Variants in DOCK10 observed in about 807,000 individuals in gnomAD.
The protein encoded by DOCK10 is dedicator of cytokinesis protein 10.
DOCK10 carries 145 observed loss-of-function variants against 280.1 expected under a neutral mutation model. The ratio of observed to expected loss-of-function variants is 0.52; its 90% CI spans 0.45 to 0.59. DOCK10 has a LOEUF of 0.59. DOCK10 is among the 20% of genes least tolerant of loss of function. The pLI, the probability that DOCK10 is intolerant of heterozygous loss-of-function variation, is 0.00. For missense variants in DOCK10, 2,368 were observed against 2,651.7 expected (o/e 0.89, Z 2.35); for synonymous variants, 915 against 942.2 (o/e 0.97, Z 0.53).
intron 44 of DOCK10, 143 bp from the exon 45 acceptor site, chr2:224,795,237 G>T: frequency 1.5e-6 from 1 of 672,830 alleles, no homozygotes; most frequent in Non-Finnish European, 2.5e-6. Context: ...CTATATATGT[G>T]CATTCTATGT....
chr2:224,977,021 C>T (rs1705483454), intron 1 of DOCK10, among the ~76,000 whole-genome samples: 1 of 152,174 alleles, frequency 6.6e-6, no homozygotes, highest in Non-Finnish European at 1.5e-5. Flanking sequence ...GCAGTAACTG[C>T]AATTCCCTTA....
chr2:224,946,754 C>A, intron 1 of DOCK10: 1 of 892,012 alleles, frequency 1.1e-6, no homozygotes, highest in Non-Finnish European at 1.6e-6. Flanking sequence ...CACCCAGCAG[C>A]CTCTGCTAGA....
intron 2 of DOCK10, among the ~76,000 whole-genome samples, chr2:224,921,096 A>ATATATATATATATATAT (rs1480408193): frequency 6.7e-5 from 2 of 29,974 alleles, no homozygotes; most frequent in African/African-American, 4.1e-4. Context: ...CTCTATTAAA[A>ATATATATATATATATAT]AAAAAAAAAA....
intron 14 of DOCK10, chr2:224,860,518 A>G (rs894439525): frequency 1.1e-4 from 16 of 152,254 alleles, no homozygotes; most frequent in African/African-American, 3.9e-4. Context: ...GTCAGGTTAT[A>G]AGTAACTTGC....
chr2:225,032,784 T>A (rs73997009), intron 1 of DOCK10, among the ~76,000 whole-genome samples: 5,687 of 152,280 alleles, frequency 0.037, 290 homozygotes, highest in African/African-American at 0.12. Context: ...TCATATTTCA[T>A]TGAACAGTAA....
At chr2:224,789,659 G>A (rs750972294) in intron 47 of DOCK10, among the ~76,000 whole-genome samples, 3 of 152,146 alleles carry the variant, frequency 2.0e-5, no homozygotes, top group Non-Finnish European at 4.4e-5. Flanking sequence ...AGGATTGCTT[G>A]AGCCTAGGAG....
intron 33 of DOCK10, 147 bp downstream of exon 33, chr2:224,807,521 C>T (rs1273141801): frequency 5.2e-6 from 3 of 577,446 alleles, no homozygotes; most frequent in South Asian, 2.5e-5. Flanking sequence ...GAACAAATGA[C>T]ACATTGATGT....
At chr2:224,813,261 T>A (rs1388658172) in intron 31 of DOCK10, among the ~76,000 whole-genome samples, 1 of 152,214 alleles carries the variant, frequency 6.6e-6, no homozygotes, top group African/African-American at 2.4e-5. Flanking sequence ...AGTGGCACGA[T>A]CTTGGCTCAC....
intron 11 of DOCK10, among the ~76,000 whole-genome samples, chr2:224,869,061 G>A (rs1477850281): frequency 6.6e-6 from 1 of 152,056 alleles, no homozygotes; most frequent in East Asian, 1.9e-4. Context: ...TGGCTTTCCA[G>A]TGAGGATTTA....
At chr2:224,961,446 C>CTTTCTTTCTTTCTTTCTTTCTT (rs1278611736) in intron 1 of DOCK10, among the ~76,000 whole-genome samples, 58 of 130,638 alleles carry the variant, frequency 4.4e-4, no homozygotes, top group African/African-American at 1.5e-3. Flanking sequence ...TTCTTTCTTT[C>CTTTCTTTCTTTCTTTCTTTCTT]TTTCTTTCTT....
chr2:224,830,843 C>T (rs10199573), intron 26 of DOCK10, among the ~76,000 whole-genome samples: 50,339 of 151,888 alleles, frequency 0.33, 10,688 homozygotes, highest in African/African-American at 0.6. Context: ...GCATGACTGA[C>T]TAAGCAGTTG....
chr2:224,840,833 T>G (rs1396487428), intron 23 of DOCK10, among the ~76,000 whole-genome samples: 1 of 152,224 alleles, frequency 6.6e-6, no homozygotes, highest in African/African-American at 2.4e-5. Context: ...CACTATTCAC[T>G]GCAGCCAAGA....
At chr2:224,944,706 A>C (rs1326522933) in intron 1 of DOCK10, among the ~76,000 whole-genome samples, 2 of 152,206 alleles carry the variant, frequency 1.3e-5, no homozygotes, top group Non-Finnish European at 2.9e-5. Context: ...CTTGGATTCC[A>C]AAATGAAAAG....
intron 22 of DOCK10, among the ~76,000 whole-genome samples, chr2:224,844,418 C>T (rs2125487601): frequency 6.6e-6 from 1 of 152,312 alleles, no homozygotes; most frequent in African/African-American, 2.4e-5. Context: ...GAGTGAGCCA[C>T]CGGGCCTGGC....
chr2:224,837,901 C>T (rs771888495), intron 24 of DOCK10, 70 bp from the exon 25 acceptor site: 63 of 1,195,504 alleles, frequency 5.3e-5, no homozygotes, highest in Non-Finnish European at 6.7e-5. Flanking sequence ...TTTGTCATTA[C>T]AGTGCTTTGT....
At position 225,042,393 on chromosome 2, in the gene DOCK10, C is replaced by G; in HGVS notation, c.-19G>C. On this transcript the variant is annotated 5_prime_UTR_variant, in exon 1 of 56. Coordinates refer to ENST00000258390, the MANE Select transcript of DOCK10 (RefSeq NM_014689.3). This position sits in a 1 kb window ranked among gnomAD's most constrained non-coding sequence, Gnocchi z 5.1. ...CGGCCATCGCCGGTCACGCCAATCG[C>G]GCCGCGGGCCCGGGGCGCGCCTCCC... The G allele has an allele frequency of 8.1e-7, 1 of 1,236,588 alleles. No individual in the cohort carries two copies. The highest frequency in any genetic ancestry group is 1.0e-6 in the Non-Finnish European group (1 of 988,396). 76.6% of individuals were successfully genotyped at this position (1,236,588 alleles called of 1,614,324 possible). A position where few individuals can be genotyped will look rare whatever the true frequency, so the allele number is the denominator to read the frequency against.
rs115120796 is a variant in DOCK10 at position 225,000,304 on chromosome 2, T to C, written c.123+41948A>G. On this transcript the variant is annotated intron_variant, in intron 1 of 55. Transcript: ENST00000258390. ...ACTTCAGTCTTATTGCTGCAGTTTA[T>C]AATGATCTATGTGGCCAGATTCTAA... Among the ~76,000 whole-genome samples the C allele has an allele frequency of 2.4e-3, 363 of 152,290 alleles. 1 individual carries two copies. The highest frequency in any genetic ancestry group is 8.0e-3 in the African/African-American group (331 of 41,558).
chr2:224,773,036 GT>G, intron 53 of DOCK10, 120 bp downstream of exon 53: 2 of 858,318 alleles, frequency 2.3e-6, no homozygotes, highest in Non-Finnish European at 3.4e-6. Flanking sequence ...CCAGATAAAG[GT>G]GTTCTATTCT....
At chr2:224,886,573 G>T in intron 4 of DOCK10, 42 bp from the exon 5 acceptor site, 2 of 1,524,714 alleles carry the variant, frequency 1.3e-6, no homozygotes, top group Non-Finnish European at 1.8e-6. Context: ...TGTCATTGGA[G>T]ACAGCTTTCA....
Sources: allele counts gnomAD v4.1 joint callset (sites outside exome capture counted in the v4.1 genomes callset), GRCh38; gene constraint gnomAD v4.1.1; non-coding constraint Gnocchi (gnomAD v3.1); transcripts MANE v1.5; gene names NCBI Gene and HGNC (gene_info 2026-07-23, HGNC 2026-07-21).